The following PCDHA6 variants were observed in gnomAD, a reference collection of about 807,000 sequenced individuals.
PCDHA6 encodes the protein protocadherin alpha 6.
In PCDHA6, 55 loss-of-function variants were observed where a neutral mutation model predicts 60.3. The ratio of observed to expected loss-of-function variants is 0.91; its 90% confidence interval spans 0.73 to 1.14. The LOEUF is 1.14. Among genes scored for constraint, PCDHA6 ranks in the 50% most tolerant of loss-of-function variants. The pLI is 0.00. For synonymous variants in PCDHA6, 652 were observed against 557.9 expected (o/e 1.17, Z -2.38); for missense variants, 1,327 against 1,256.5 (o/e 1.06, Z -0.85).
intron 1 of PCDHA6, among the ~76,000 whole-genome samples, chr5:140,953,706 G>A (rs1464812227): frequency 1.3e-5 from 2 of 152,144 alleles, no homozygotes; most frequent in Non-Finnish European, 1.5e-5. Context: ...ACTAGACTGA[G>A]CTTCAGACAT....
chr5:140,947,543 G>A (rs1013985097), intron 1 of PCDHA6, among the ~76,000 whole-genome samples: 1 of 151,548 alleles, frequency 6.6e-6, no homozygotes, highest in African/African-American at 2.4e-5. Context: ...TTTCTACAAA[G>A]AATTCCGCTG....
chr5:140,876,878 C>T (rs1305242755), intron 1 of PCDHA6: 1 of 1,614,118 alleles, frequency 6.2e-7, no homozygotes, highest in Admixed American at 1.7e-5. Context: ...GAGAACAACC[C>T]GCCGGGCTGC....
At chr5:140,909,038 A>C (rs1396337089) in intron 1 of PCDHA6, among the ~76,000 whole-genome samples, 1 of 152,126 alleles carries the variant, frequency 6.6e-6, no homozygotes, top group African/African-American at 2.4e-5. Context: ...TTTATTTTCC[A>C]TACTCTGGCA....
intron 1 of PCDHA6, among the ~76,000 whole-genome samples, chr5:140,959,117 G>A (rs2095468242): frequency 6.6e-6 from 1 of 152,174 alleles, no homozygotes; most frequent in South Asian, 2.1e-4. Flanking sequence ...CCGAAGGTGG[G>A]CGAGGTGAGC....
At chr5:140,882,643 C>T in intron 1 of PCDHA6, 1 of 1,614,190 alleles carries the variant, frequency 6.2e-7, no homozygotes, top group Non-Finnish European at 8.5e-7. Context: ...AGGTGAGGGA[C>T]ATTAACGACA....
At chr5:140,870,019 A>C (rs371365026) in intron 1 of PCDHA6, 6 of 1,613,574 alleles carry the variant, frequency 3.7e-6, no homozygotes, top group Non-Finnish European at 5.1e-6. Context: ...GGTCAATGGA[A>C]CTTTAGATTA....
At chr5:140,915,258 A>T (rs2077046977) in intron 1 of PCDHA6, among the ~76,000 whole-genome samples, 1 of 151,928 alleles carries the variant, frequency 6.6e-6, no homozygotes, top group South Asian at 2.1e-4. Context: ...GGTTGTTATT[A>T]TTTTTGACCA....
intron 1 of PCDHA6, chr5:140,927,707 T>G (rs1224984801): frequency 6.2e-7 from 1 of 1,614,080 alleles, no homozygotes; most frequent in African/African-American, 1.3e-5. Flanking sequence ...CAGTACTCCC[T>G]AAGCAACAGC....
chr5:140,925,125 A>G (rs1399052853), intron 1 of PCDHA6, among the ~76,000 whole-genome samples: 2 of 150,878 alleles, frequency 1.3e-5, no homozygotes, highest in African/African-American at 2.4e-5. Flanking sequence ...AAGGAAGGAA[A>G]AAAAATTTCA....
At chr5:140,879,141 G>T (rs1413837977) in intron 1 of PCDHA6, among the ~76,000 whole-genome samples, 1 of 152,192 alleles carries the variant, frequency 6.6e-6, no homozygotes, top group Non-Finnish European at 1.5e-5. Flanking sequence ...GATTGTGAAG[G>T]CAGGAAAGCT....
intron 1 of PCDHA6, among the ~76,000 whole-genome samples, chr5:140,901,935 GTA>G (rs200320249): frequency 0.011 from 1,607 of 151,762 alleles, 16 homozygotes; most frequent in African/African-American, 0.028. Context: ...TAATTCCTAG[GTA>G]TATTTAGTTT....
intron 1 of PCDHA6, among the ~76,000 whole-genome samples, chr5:140,932,330 G>A (rs1339060592): frequency 6.6e-6 from 1 of 151,860 alleles, no homozygotes; most frequent in African/African-American, 2.4e-5. Context: ...TAGCAAAAAT[G>A]CATGAAACAC....
At chr5:140,993,218 T>C (rs534348907) in intron 3 of PCDHA6, among the ~76,000 whole-genome samples, 1 of 152,330 alleles carries the variant, frequency 6.6e-6, no homozygotes, top group East Asian at 1.9e-4. Flanking sequence ...TTTAGCTTTT[T>C]GGTATGTTCT....
At chr5:140,972,296 T>C (rs1303430452) in intron 1 of PCDHA6, among the ~76,000 whole-genome samples, 2 of 151,468 alleles carry the variant, frequency 1.3e-5, no homozygotes, top group Non-Finnish European at 2.9e-5. Flanking sequence ...TGCGCCACCG[T>C]GTCTGACTAG....
intron 1 of PCDHA6, chr5:140,877,987 C>T: frequency 3.5e-6 from 4 of 1,151,316 alleles, no homozygotes; most frequent in Non-Finnish European, 4.6e-6. Context: ...TCATTTTGAA[C>T]TTTTATGTAT....
chr5:140,980,699 A>G (rs1183109723), intron 2 of PCDHA6, among the ~76,000 whole-genome samples: 1 of 152,186 alleles, frequency 6.6e-6, no homozygotes, highest in African/African-American at 2.4e-5. Flanking sequence ...AAAAAAGCCA[A>G]ATGTGCTCCT....
chr5:140,830,597 T>A (rs1331497388), intron 1 of PCDHA6, 112 bp downstream of exon 1: 2 of 693,358 alleles, frequency 2.9e-6, no homozygotes, highest in Non-Finnish European at 4.3e-6. Flanking sequence ...TTTACAAAAT[T>A]ACATATTTTC....
intron 1 of PCDHA6, 99 bp from the exon 2 acceptor site, chr5:140,978,850 G>T: frequency 6.3e-7 from 1 of 1,577,084 alleles, no homozygotes; most frequent in Non-Finnish European, 8.6e-7. Flanking sequence ...TTTTTTAGAT[G>T]CCTGGAAATA....
At chr5:140,991,356 T>C (rs574243681) in intron 3 of PCDHA6, among the ~76,000 whole-genome samples, 2 of 152,366 alleles carry the variant, frequency 1.3e-5, no homozygotes, top group Non-Finnish European at 2.9e-5. Flanking sequence ...AAAAGACTAT[T>C]TACTGTCTGA....
Sources: allele counts gnomAD v4.1 joint callset (sites outside exome capture counted in the v4.1 genomes callset), GRCh38; gene constraint gnomAD v4.1.1; transcripts MANE v1.5; gene names NCBI Gene and HGNC (gene_info 2026-07-23, HGNC 2026-07-21).